Variants in TOMM20L observed in about 807,000 individuals in gnomAD.
The protein encoded by TOMM20L is translocase of outer mitochondrial membrane 20 like, also known as TOMM20-like protein 1.
In TOMM20L, 19 loss-of-function variants were observed where a neutral mutation model predicts 20.4. That is an observed-to-expected ratio of 0.93 (90% CI 0.65 to 1.36). The LOEUF (loss-of-function observed/expected upper bound fraction) is 1.36. Among genes scored for constraint, TOMM20L ranks in the 40% most tolerant of loss-of-function variants. The pLI, the probability that TOMM20L is intolerant of heterozygous loss-of-function variation, is 0.00. For synonymous variants in TOMM20L, 75 were observed against 79.6 expected (o/e 0.94, Z 0.30); for missense variants, 218 against 203.7 (o/e 1.07, Z -0.43).
At chr14:58,411,164 T>G (rs1235546958), downstream of TOMM20L, among the ~76,000 whole-genome samples, 1 of 152,150 alleles carries the variant, frequency 6.6e-6, no homozygotes. Flanking sequence ...ATACATATGC[T>G]TGGCCGGGTG....
At chr14:58,398,509 G>A (rs1452621947) in intron 2 of TOMM20L, 1 of 152,134 alleles carries the variant, frequency 6.6e-6, no homozygotes, top group African/African-American at 2.4e-5. Context: ...TGTTGTGGTG[G>A]ATAACTAATG....
chr14:58,413,078 A>G (rs535317915), downstream of TOMM20L, among the ~76,000 whole-genome samples: 14 of 152,304 alleles, frequency 9.2e-5, no homozygotes, highest in African/African-American at 2.4e-4. Flanking sequence ...ATTTCAACAT[A>G]CAATCACATA....
downstream of TOMM20L, chr14:58,408,912 G>T: frequency 1.4e-6 from 2 of 1,423,766 alleles, no homozygotes; most frequent in East Asian, 2.3e-5. Flanking sequence ...TTGCCAAACA[G>T]TCATGACAGA....
In TOMM20L at chr14:58,407,419, C is replaced by T. The variant is rs879005291; in HGVS notation, c.356C>T (p.Pro119Leu). The change falls in exon 4 of 5, where the codon CCT (proline) becomes CTT (leucine). Residue 119 changes from proline to leucine, a missense_variant. By Grantham distance (98) the Pro-to-Leu change is moderately conservative. Coordinates refer to ENST00000360945, the MANE Select transcript of TOMM20L (RefSeq NM_207377.3). ...CTGAAAGTTTTCAAACACACTCTCCCTCCCAAGGTATTTGAGATGCTGTTG... is the reference window on the plus strand; with the variant it reads ...CTGAAAGTTTTCAAACACACTCTCCTTCCCAAGGTATTTGAGATGCTGTTG... Reference protein sequence around the residue: ...ELLKVFKHTLPPKVFEMLLHK... With the variant: ...ELLKVFKHTLLPKVFEMLLHK... The T allele has an allele frequency of 6.2e-7, 1 of 1,613,854 alleles. No homozygotes were observed. The highest frequency in any genetic ancestry group is 2.2e-5 in the East Asian group (1 of 44,836).
At chr14:58,412,204 G>A (rs552251612), downstream of TOMM20L, 45 of 357,288 alleles carry the variant, frequency 1.3e-4, no homozygotes, top group Admixed American at 2.5e-4. Flanking sequence ...GCGCAGTGGC[G>A]CCATCTTGGC....
the TOMM20L span, among the ~76,000 whole-genome samples, chr14:58,415,964 C>CTAGCACTTTGGGAGGCCAAAGCGGGTGGG: frequency 6.6e-6 from 1 of 151,798 alleles, no homozygotes; most frequent in Non-Finnish European, 1.5e-5. Flanking sequence ...GTCTATAATC[C>CTAGCACTTTGGGAGGCCAAAGCGGGTGGG]TAGCACTTTG....
chr14:58,396,201 C>A, intron 1 of TOMM20L, 97 bp from the exon 2 acceptor site: 1 of 1,548,898 alleles, frequency 6.5e-7, no homozygotes, highest in Non-Finnish European at 8.7e-7. Flanking sequence ...TCAGCCTCTG[C>A]CGAGGGGCCC....
At chr14:58,398,869 A>G (rs1358685556) in intron 2 of TOMM20L, 3 of 151,958 alleles carry the variant, frequency 2.0e-5, no homozygotes, top group Non-Finnish European at 4.4e-5. Flanking sequence ...CCTTTCATAT[A>G]ATTGTCACAA....
chr14:58,415,740 T>C, the TOMM20L span, among the ~76,000 whole-genome samples: 8 of 152,032 alleles, frequency 5.3e-5, no homozygotes, highest in Non-Finnish European at 1.2e-4. Flanking sequence ...TTTTGTCTCA[T>C]TAGAGTCCAA....
chr14:58,398,167 C>T (rs2035950429), intron 2 of TOMM20L, among the ~76,000 whole-genome samples: 1 of 152,152 alleles, frequency 6.6e-6, no homozygotes, highest in South Asian at 2.1e-4. Flanking sequence ...CTCCATGTCC[C>T]TCGTCATTGT....
intron 4 of TOMM20L, 41 bp from the exon 5 acceptor site, chr14:58,408,488 A>G (rs2036102975): frequency 6.3e-7 from 1 of 1,583,948 alleles, no homozygotes; most frequent in African/African-American, 1.3e-5. Flanking sequence ...AGGATCATGC[A>G]TTGAAATGAT....
downstream of TOMM20L, chr14:58,411,831 C>T (rs2036229281): frequency 7.1e-7 from 1 of 1,403,592 alleles, no homozygotes; most frequent in East Asian, 2.3e-5. Flanking sequence ...GCCACTGCAC[C>T]CAGCCTGACA....
chr14:58,410,439 A>G (rs1392537790), downstream of TOMM20L, among the ~76,000 whole-genome samples: 3 of 151,168 alleles, frequency 2.0e-5, no homozygotes, highest in Non-Finnish European at 4.5e-5. Context: ...TAAGACTTCT[A>G]ATAGGATGAG....
chr14:58,399,717 C>T (rs370719079), intron 2 of TOMM20L, among the ~76,000 whole-genome samples: 3 of 151,522 alleles, frequency 2.0e-5, no homozygotes, highest in South Asian at 2.1e-4. Context: ...TAGTGTGTCC[C>T]GAAGTAAATT....
chr14:58,404,413 G>A (rs1473589939), intron 3 of TOMM20L, among the ~76,000 whole-genome samples: 1 of 151,298 alleles, frequency 6.6e-6, no homozygotes, highest in East Asian at 1.9e-4. Context: ...ACAGGCGTGA[G>A]CCACCGCGCC....
At chr14:58,415,191 G>T in the TOMM20L span, among the ~76,000 whole-genome samples, 11 of 152,298 alleles carry the variant, frequency 7.2e-5, 1 homozygote, top group Admixed American at 6.5e-4. Flanking sequence ...CCACCTGGCA[G>T]TAATGAAGTG....
At chr14:58,412,420 G>A (rs1329509741), downstream of TOMM20L, among the ~76,000 whole-genome samples, 2 of 152,178 alleles carry the variant, frequency 1.3e-5, no homozygotes, top group Non-Finnish European at 2.9e-5. Flanking sequence ...GATTACAGGC[G>A]TTAGCCGCCG....
intron 2 of TOMM20L, among the ~76,000 whole-genome samples, chr14:58,396,980 G>A (rs2035934920): frequency 6.6e-6 from 1 of 152,194 alleles, no homozygotes; most frequent in Non-Finnish European, 1.5e-5. Flanking sequence ...TGTAGTCTCA[G>A]CTACTTGGGA....
chr14:58,397,664 C>G (rs1464881914), intron 2 of TOMM20L, among the ~76,000 whole-genome samples: 1 of 152,014 alleles, frequency 6.6e-6, no homozygotes, highest in African/African-American at 2.4e-5. Context: ...ACCAGTTTGG[C>G]AAAGGAGTCA....
Sources: gnomAD v4.1 joint callset for allele counts (sites outside exome capture counted in the v4.1 genomes callset) on GRCh38, gnomAD v4.1.1 for gene constraint, MANE v1.5 for transcripts, NCBI Gene and HGNC (gene_info 2026-07-23, HGNC 2026-07-21) for gene names.